The following RSRP1 variants were observed in gnomAD, a reference collection of about 807,000 sequenced individuals.
RSRP1 encodes arginine/serine-rich protein 1.
A neutral mutation model predicts 33.0 loss-of-function variants in RSRP1; 37 were observed. That is an observed-to-expected ratio of 1.12 (90% confidence interval 0.86 to 1.48). RSRP1 has a LOEUF of 1.48. Ranked by LOEUF, RSRP1 falls within the 40% of genes most tolerant of loss-of-function variation. The pLI is 0.00. For synonymous variants in RSRP1, 167 were observed against 158.7 expected, an observed-to-expected ratio of 1.05 and a Z score of -0.40; for missense variants, 402 against 385.3, an observed-to-expected ratio of 1.04 and a Z score of -0.36.
chr1:25,272,876 G>T (rs545679545), intron 1 of RSRP1, among the ~76,000 whole-genome samples: 1 of 131,908 alleles, frequency 7.6e-6, no homozygotes, highest in Admixed American at 7.4e-5. Flanking sequence ...TCCTTTAGAA[G>T]CAGCCTGGGC....
intron 1 of RSRP1, among the ~76,000 whole-genome samples, chr1:25,260,227 C>T (rs1640088523): frequency 6.6e-6 from 1 of 152,170 alleles, no homozygotes. Flanking sequence ...TTTGAAAATT[C>T]TGGCAGACCA....
At chr1:25,293,366 T>C (rs547791286) in intron 1 of RSRP1, among the ~76,000 whole-genome samples, 6 of 129,466 alleles carry the variant, frequency 4.6e-5, no homozygotes, top group Admixed American at 2.3e-4. Context: ...TTTTTTTTTA[T>C]ACAACATTTT....
intron 1 of RSRP1, among the ~76,000 whole-genome samples, chr1:25,293,907 T>C (rs634219): frequency 0.055 from 7,260 of 131,662 alleles, 1,432 homozygotes; most frequent in African/African-American, 0.18. Flanking sequence ...TTTAGTTATA[T>C]TGTGAGTCTT....
intron 1 of RSRP1, among the ~76,000 whole-genome samples, chr1:25,252,545 T>C (rs1639821730): frequency 6.6e-6 from 1 of 150,984 alleles, no homozygotes; most frequent in South Asian, 2.1e-4. Context: ...TTTTTTTTTT[T>C]TTTTTGAGAC....
chr1:25,244,932 A>G, intron 3 of RSRP1: 1 of 1,400,656 alleles, frequency 7.1e-7, no homozygotes. Flanking sequence ...CATCTGCCTC[A>G]TTACAGGCAT....
intron 3 of RSRP1, chr1:25,244,939 G>A: frequency 1.4e-6 from 2 of 1,409,964 alleles, no homozygotes; most frequent in Non-Finnish European, 1.9e-6. Flanking sequence ...CTCATTACAG[G>A]CATGAGGCAC....
intron 1 of RSRP1, among the ~76,000 whole-genome samples, chr1:25,289,349 C>T (rs1318594100): frequency 7.9e-6 from 1 of 126,998 alleles, no homozygotes; most frequent in East Asian, 2.0e-4. Context: ...CATGCACCAC[C>T]ATGCCCGGGT....
At position 25,294,088 on chromosome 1, in the gene RSRP1, A is replaced by G. The variant is rs1467616726; in HGVS notation, c.-67+43890T>C. On this transcript the variant is annotated intron_variant, in intron 1 of 1. Transcript: ENST00000561867. Reference sequence around the variant, plus strand: ...TGGGCTTATCTGTTATTTCTTCCTTATTGTGAGCTTAATGGCATGACAAAG... The same window carrying G: ...TGGGCTTATCTGTTATTTCTTCCTTGTTGTGAGCTTAATGGCATGACAAAG... The G allele has an allele frequency of 2.8e-5, 19 of 670,594 alleles. 2 individuals carry two copies. The African/African-American group carries it at 3.3e-4, about 12-fold the overall frequency. The allele number at this position is 670,594 out of a possible 1,614,324, so 41.5% of individuals were successfully genotyped here. A position where few individuals can be genotyped will look rare whatever the true frequency, so the allele number is the denominator to read the frequency against.
chr1:25,263,017 A>C (rs897576890), intron 1 of RSRP1, among the ~76,000 whole-genome samples: 51 of 152,222 alleles, frequency 3.4e-4, no homozygotes, highest in African/African-American at 1.2e-3. Context: ...AAAGAAGACA[A>C]CTTGTAGGGG....
rs190278966 is a variant in RSRP1, at chr1:25,278,733, A to G, written c.-66-31704T>C. Among the ~76,000 whole-genome samples, 313 of 132,026 alleles carry G rather than the reference A, an allele frequency of 2.4e-3. 51 individuals carry two copies. Among genetic ancestry groups the G allele is most frequent in the African/African-American group, 7.3e-3 (281 of 38,642 alleles). The allele number at this position is 132,026 out of a possible 152,430, so 86.6% of individuals were successfully genotyped here. On this transcript the variant is annotated intron_variant, in intron 1 of 1. Transcript: ENST00000561867. Reference sequence around the variant, plus strand: ...TTCCTCAAAGGCAGAGAGAGGGGCTACTAGAAGACAGAGGAGTTTTCCCAG... The same window carrying G: ...TTCCTCAAAGGCAGAGAGAGGGGCTGCTAGAAGACAGAGGAGTTTTCCCAG...
At chr1:25,274,332 A>G (rs945572922) in intron 1 of RSRP1, among the ~76,000 whole-genome samples, 5 of 132,370 alleles carry the variant, frequency 3.8e-5, no homozygotes, top group African/African-American at 1.3e-4. Context: ...CTTAACCATT[A>G]TGCATCATGG....
At chr1:25,257,364 A>G (rs181700518) in intron 1 of RSRP1, among the ~76,000 whole-genome samples, 4 of 152,338 alleles carry the variant, frequency 2.6e-5, no homozygotes, top group African/African-American at 7.2e-5. Flanking sequence ...CATTCCAGAC[A>G]GTGTATTTCA....
rs376092811 is a variant in RSRP1, at chr1:25,307,441, C to T, written c.-67+30537G>A. Among the ~76,000 whole-genome samples, 583 of 132,400 alleles carry T rather than the reference C, an allele frequency of 4.4e-3. 88 individuals are homozygous for T. Among genetic ancestry groups the T allele is most frequent in the Admixed American group, 0.036 (486 of 13,666 alleles). The allele number at this position is 132,400 out of a possible 152,430, so 86.9% of individuals were successfully genotyped here. On this transcript the variant is annotated intron_variant, in intron 1 of 1. Coordinates refer to the RSRP1 transcript ENST00000561867. ...ATGAAAAAGTGAATTGGGCACGATA[C>T]AGGGATAGATTTTTAGAGATGAACT...
At chr1:25,286,106 A>G (rs1291997997) in intron 1 of RSRP1, among the ~76,000 whole-genome samples, 1 of 135,298 alleles carries the variant, frequency 7.4e-6, no homozygotes, top group African/African-American at 2.6e-5. Context: ...CCTTTTCCAC[A>G]TGCTCCAGAG....
In RSRP1 at chr1:25,289,221, G is replaced by C. The variant is rs1255234189; in HGVS notation, c.-66-42192C>G. On this transcript the variant is annotated intron_variant, in intron 1 of 1. Transcript: ENST00000561867. ...ATTTTTTTTGTGTGTGTGTGAGGCAGTCTTACTCTGTTGCCCAGGCTGGAG... is the reference window on the plus strand; with the variant it reads ...ATTTTTTTTGTGTGTGTGTGAGGCACTCTTACTCTGTTGCCCAGGCTGGAG... Among the ~76,000 whole-genome samples the C allele has an allele frequency of 1.5e-5, 2 of 132,660 alleles. 1 individual carries two copies. Among genetic ancestry groups the C allele is most frequent in the Non-Finnish European group, 3.6e-5 (2 of 55,938 alleles). The allele number at this position is 132,660 out of a possible 152,430, so 87.0% of individuals were successfully genotyped here. A position where few individuals can be genotyped will look rare whatever the true frequency, so the allele number is the denominator to read the frequency against.
chr1:25,290,736 T>A (rs775007210), intron 1 of RSRP1: 1 of 1,377,720 alleles, frequency 7.3e-7, no homozygotes, highest in Non-Finnish European at 1.0e-6. Context: ...GTGATGGTGC[T>A]GGTGGAGGTG....
intron 1 of RSRP1, among the ~76,000 whole-genome samples, chr1:25,321,380 G>C (rs1644690213): frequency 8.0e-6 from 1 of 124,492 alleles, no homozygotes; most frequent in Non-Finnish European, 1.9e-5. Flanking sequence ...TACAGAATCG[G>C]CCAGGTGTGG....
chr1:25,257,225 G>C (rs1639976507), intron 1 of RSRP1, among the ~76,000 whole-genome samples: 1 of 152,124 alleles, frequency 6.6e-6, no homozygotes, highest in Non-Finnish European at 1.5e-5. Flanking sequence ...CTGCTTTCCT[G>C]TGCCTCCTAT....
intron 1 of RSRP1, among the ~76,000 whole-genome samples, chr1:25,257,733 G>C (rs527999211): frequency 7.9e-5 from 12 of 151,728 alleles, no homozygotes; most frequent in Non-Finnish European, 1.8e-4. Context: ...CCAAGTAGCT[G>C]GGGCTACAGG....
Sources: allele counts gnomAD v4.1 joint callset (sites outside exome capture counted in the v4.1 genomes callset), GRCh38; gene constraint gnomAD v4.1.1; transcripts MANE v1.5; gene names NCBI Gene and HGNC (gene_info 2026-07-23, HGNC 2026-07-21).